Variants in PTPRD observed in about 807,000 individuals in gnomAD.
PTPRD encodes receptor-type tyrosine-protein phosphatase delta.
Under a neutral mutation model 214.5 loss-of-function variants are expected in PTPRD, and 34 were observed. The observed-to-expected ratio is 0.16, with a 90% confidence interval of 0.12 to 0.21. The LOEUF (loss-of-function observed/expected upper bound fraction) is 0.21. PTPRD is among the 10% of genes least tolerant of loss of function. The pLI, the probability that PTPRD is intolerant of heterozygous loss-of-function variation, is 1.00. For synonymous variants in PTPRD, 1,128 were observed against 845.7 expected, an observed-to-expected ratio of 1.33 and a Z score of -5.79; for missense variants, 2,545 against 2,398.7, an observed-to-expected ratio of 1.06 and a Z score of -1.27.
At chr9:10,577,214 C>T (rs770424437) in intron 2 of PTPRD, among the ~76,000 whole-genome samples, 2 of 152,046 alleles carry the variant, frequency 1.3e-5, no homozygotes, top group Non-Finnish European at 2.9e-5. Context: ...AACTGATATA[C>T]CCATGCCAAA....
chr9:10,346,851 C>A (rs558443437), intron 2 of PTPRD, among the ~76,000 whole-genome samples: 1 of 152,272 alleles, frequency 6.6e-6, no homozygotes, highest in South Asian at 2.1e-4. Context: ...ATAGGCCTTA[C>A]AGCAAGGGTC....
chr9:10,325,286 A>C (rs1222991157), intron 3 of PTPRD, among the ~76,000 whole-genome samples: 1 of 152,014 alleles, frequency 6.6e-6, no homozygotes, highest in East Asian at 1.9e-4. Context: ...ATGTTGAGAT[A>C]CAAGGCCTAG....
At chr9:8,416,047 T>TAA (rs2093909695) in intron 35 of PTPRD, among the ~76,000 whole-genome samples, 1 of 149,428 alleles carries the variant, frequency 6.7e-6, no homozygotes, top group Admixed American at 6.8e-5. Context: ...CTTCAGATAC[T>TAA]AAACTCTGTC....
chr9:10,357,862 T>G (rs1270046270), intron 2 of PTPRD, among the ~76,000 whole-genome samples: 1 of 152,224 alleles, frequency 6.6e-6, no homozygotes, highest in East Asian at 1.9e-4. Flanking sequence ...CACTGGGGAC[T>G]TTTTGGTACT....
intron 2 of PTPRD, among the ~76,000 whole-genome samples, chr9:10,482,652 C>T (rs1350432641): frequency 1.3e-5 from 2 of 152,030 alleles, no homozygotes; most frequent in African/African-American, 4.8e-5. Flanking sequence ...AAACCAGTAG[C>T]ACTGTTATAC....
intron 7 of PTPRD, among the ~76,000 whole-genome samples, chr9:9,587,513 T>C (rs1277412994): frequency 6.6e-6 from 1 of 151,844 alleles, no homozygotes; most frequent in East Asian, 1.9e-4. Context: ...GTGCCCACTA[T>C]GGTAACTGAT....
intron 11 of PTPRD, among the ~76,000 whole-genome samples, chr9:8,742,934 AC>A (rs1307195305): frequency 2.0e-5 from 3 of 152,114 alleles, no homozygotes; most frequent in Admixed American, 6.5e-5. Flanking sequence ...AAGAAGGGTG[AC>A]CCATGGCACC....
At chr9:8,371,057 T>C (rs1447643978) in intron 39 of PTPRD, among the ~76,000 whole-genome samples, 1 of 152,078 alleles carries the variant, frequency 6.6e-6, no homozygotes, top group Non-Finnish European at 1.5e-5. Flanking sequence ...GAACTATTAG[T>C]ATTGCTACAA....
intron 43 of PTPRD, among the ~76,000 whole-genome samples, chr9:8,333,864 G>A (rs547802409): frequency 1.2e-4 from 18 of 151,770 alleles, no homozygotes; most frequent in African/African-American, 3.6e-4. Context: ...CAAAAAAAAA[G>A]AGCAGGGGTT....
At chr9:10,056,048 C>A (rs2097638943) in intron 3 of PTPRD, among the ~76,000 whole-genome samples, 1 of 147,412 alleles carries the variant, frequency 6.8e-6, no homozygotes, top group Admixed American at 6.6e-5. Context: ...AAGAGCCGGG[C>A]GCAGTGGCTC....
At chr9:10,221,486 G>A (rs1253728103) in intron 3 of PTPRD, among the ~76,000 whole-genome samples, 3 of 151,844 alleles carry the variant, frequency 2.0e-5, no homozygotes, top group African/African-American at 7.3e-5. Context: ...GAACACAACA[G>A]TTTTTAAGGT....
At chr9:10,006,108 C>T (rs2096467860) in intron 4 of PTPRD, among the ~76,000 whole-genome samples, 1 of 125,130 alleles carries the variant, frequency 8.0e-6, no homozygotes, top group African/African-American at 2.5e-5. Flanking sequence ...TTAATGATTT[C>T]CTATTGCTTT....
chr9:9,054,165 A>G (rs2099691976), intron 10 of PTPRD, among the ~76,000 whole-genome samples: 1 of 152,210 alleles, frequency 6.6e-6, no homozygotes, highest in Non-Finnish European at 1.5e-5. Flanking sequence ...CAATCCTATA[A>G]GGCAAGTTCT....
intron 9 of PTPRD, among the ~76,000 whole-genome samples, chr9:9,317,026 T>G (rs1478138271): frequency 6.6e-6 from 1 of 152,150 alleles, no homozygotes; most frequent in Admixed American, 6.6e-5. Context: ...GTGTCTCAAG[T>G]GTTCTCTGGT....
intron 2 of PTPRD, among the ~76,000 whole-genome samples, chr9:10,543,288 ATAT>A (rs1350731616): frequency 2.0e-5 from 3 of 152,152 alleles, no homozygotes; most frequent in African/African-American, 7.2e-5. Flanking sequence ...AATTTATGAA[ATAT>A]TATATAATTT....
At chr9:9,634,504 A>G (rs1390433949) in intron 7 of PTPRD, among the ~76,000 whole-genome samples, 1 of 152,164 alleles carries the variant, frequency 6.6e-6, no homozygotes, top group Non-Finnish European at 1.5e-5. Flanking sequence ...TCAACAATAA[A>G]TTTGCTGATT....
intron 11 of PTPRD, among the ~76,000 whole-genome samples, chr9:8,904,667 T>TA (rs5896276): frequency 0.28 from 36,621 of 128,786 alleles, 5,202 homozygotes; most frequent in East Asian, 0.51. Context: ...GGGAGACTCT[T>TA]AAAAAAAAAA....
At chr9:9,089,744 A>C (rs2099772854) in intron 10 of PTPRD, among the ~76,000 whole-genome samples, 1 of 152,178 alleles carries the variant, frequency 6.6e-6, no homozygotes, top group Admixed American at 6.5e-5. Context: ...GGGTAATGTC[A>C]ACATACTTGT....
intron 7 of PTPRD, among the ~76,000 whole-genome samples, chr9:9,631,462 A>G (rs1337901933): frequency 6.6e-6 from 1 of 152,152 alleles, no homozygotes; most frequent in Non-Finnish European, 1.5e-5. Flanking sequence ...GCAAGCTGCA[A>G]GTTTTCTTGG....
Sources: gnomAD v4.1 joint callset for allele counts (sites outside exome capture counted in the v4.1 genomes callset) on GRCh38, gnomAD v4.1.1 for gene constraint, MANE v1.5 for transcripts, NCBI Gene and HGNC (gene_info 2026-07-23, HGNC 2026-07-21) for gene names.